Variants in TULP4 observed in about 807,000 individuals in gnomAD.
TULP4 encodes tubby-related protein 4.
In TULP4, 16 loss-of-function variants were observed where a neutral mutation model predicts 129.0. The observed-to-expected ratio is 0.12, with a 90% CI of 0.08 to 0.19. TULP4 has a LOEUF of 0.19. Ranked by LOEUF, TULP4 falls within the 10% of genes least tolerant of loss-of-function variation. The pLI, the probability that TULP4 is intolerant of heterozygous loss-of-function variation, is 1.00. For missense variants in TULP4, 1,842 were observed against 2,059.1 expected (o/e 0.89, Z 2.04); for synonymous variants, 998 against 854.0 (o/e 1.17, Z -2.94).
chr6:158,307,677 T>G (rs1309469052), upstream of TULP4, among the ~76,000 whole-genome samples: 1 of 152,150 alleles, frequency 6.6e-6, no homozygotes, highest in Non-Finnish European at 1.5e-5. Context: ...GAGATGGGGT[T>G]TCACCATGTT....
chr6:158,456,083 G>A (rs992676264), intron 5 of TULP4, among the ~76,000 whole-genome samples: 1 of 152,166 alleles, frequency 6.6e-6, no homozygotes, highest in Non-Finnish European at 1.5e-5. Context: ...GATTTCTAGG[G>A]GAAATGAATG....
chr6:158,412,532 ACAACTTAGATTT>A (rs11269091), intron 1 of TULP4, among the ~76,000 whole-genome samples: 66,425 of 151,490 alleles, frequency 0.44, 15,263 homozygotes, highest in African/African-American at 0.58. Context: ...TAAATCGTAA[ACAACTTAGATTT>A]TTCAAGTATG....
intron 1 of TULP4, among the ~76,000 whole-genome samples, chr6:158,395,143 A>T (rs945476121): frequency 6.6e-6 from 1 of 152,190 alleles, no homozygotes; most frequent in South Asian, 2.1e-4. Context: ...AATCCAAATC[A>T]TATCAGGGGA....
rs750009011 is a variant in TULP4, at chr6:158,314,292, T to A, written c.252+24T>A. On this transcript the variant is annotated intron_variant, in intron 1 of 13. Transcript: ENST00000367097. Reference sequence around the variant, plus strand: ...AGGTGAGCTGTGGTTTTGTTTCACTTTTTGGTCACTTCCAGTGGTGTTTTT... The same window carrying A: ...AGGTGAGCTGTGGTTTTGTTTCACTATTTGGTCACTTCCAGTGGTGTTTTT... 2.5e-6 allele frequency: 4 copies of A among 1,606,012 alleles called. No individual in the cohort carries two copies. In the African/African-American group the frequency reaches 5.4e-5, roughly 22 times the overall value.
At chr6:158,462,942 C>T (rs1055710402) in intron 6 of TULP4, among the ~76,000 whole-genome samples, 2 of 151,580 alleles carry the variant, frequency 1.3e-5, no homozygotes, top group Admixed American at 1.3e-4. Context: ...TTAGTAGAGA[C>T]GGGTTTTTGC....
At chr6:158,248,331 G>A (rs541719128) in intron 1 of TULP4, among the ~76,000 whole-genome samples, 12 of 151,902 alleles carry the variant, frequency 7.9e-5, no homozygotes, top group African/African-American at 2.7e-4. Flanking sequence ...GTGCAGTGGC[G>A]CAATCTTGGC....
At chr6:158,256,324 T>C (rs554705263) in intron 1 of TULP4, among the ~76,000 whole-genome samples, 10 of 152,320 alleles carry the variant, frequency 6.6e-5, no homozygotes, top group African/African-American at 2.4e-4. Context: ...TATATATAAC[T>C]TCTGTGTGTG....
At chr6:158,250,699 A>G (rs1166830825) in intron 1 of TULP4, among the ~76,000 whole-genome samples, 2 of 152,178 alleles carry the variant, frequency 1.3e-5, no homozygotes, top group East Asian at 3.8e-4. Flanking sequence ...ACTGATGGTC[A>G]TATAAATGGA....
At chr6:158,350,051 A>C (rs1780468043) in intron 1 of TULP4, among the ~76,000 whole-genome samples, 1 of 141,536 alleles carries the variant, frequency 7.1e-6, no homozygotes, top group African/African-American at 2.7e-5. Flanking sequence ...ACTTCCTCCC[A>C]GACGGGGCAG....
At chr6:158,342,461 G>A (rs534474244) in intron 1 of TULP4, among the ~76,000 whole-genome samples, 6 of 152,164 alleles carry the variant, frequency 3.9e-5, no homozygotes, top group Admixed American at 2.0e-4. Context: ...ATATAGCCTC[G>A]GTTGTCTCTG....
At chr6:158,241,087 G>A (rs987485663) in intron 1 of TULP4, among the ~76,000 whole-genome samples, 2 of 139,888 alleles carry the variant, frequency 1.4e-5, no homozygotes, top group Non-Finnish European at 3.2e-5. Context: ...GCCGGGCAGA[G>A]GCGCTCCTCA....
intron 1 of TULP4, among the ~76,000 whole-genome samples, chr6:158,240,951 A>G (rs28572401): frequency 0.28 from 36,104 of 128,566 alleles, 5,784 homozygotes; most frequent in Admixed American, 0.39. Context: ...CTTCTCAGTC[A>G]GGGCAGCTGC....
intron 3 of TULP4, among the ~76,000 whole-genome samples, chr6:158,431,221 G>T (rs189906112): frequency 6.6e-6 from 1 of 151,978 alleles, no homozygotes; most frequent in East Asian, 1.9e-4. Flanking sequence ...GACCTTGCCC[G>T]AGGCACCTGA....
In TULP4 at chr6:158,313,916, C is replaced by G; in HGVS notation, c.-101C>G. On this transcript the variant is annotated 5_prime_UTR_variant, in exon 1 of 14. Coordinates refer to ENST00000367097, the MANE Select transcript of TULP4 (RefSeq NM_020245.5). ...CTTAATTAAAGGGGGAAAAAAGCAA[C>G]GCAAGCCAACCACAAAAACACATAT... The G allele has an allele frequency of 7.1e-7, 1 of 1,413,238 alleles. No individual in the cohort carries two copies. The highest frequency in any genetic ancestry group is 9.5e-7 in the Non-Finnish European group (1 of 1,055,942). The allele number at this position is 1,413,238 out of a possible 1,614,324, so 87.5% of individuals were successfully genotyped here.
intron 1 of TULP4, among the ~76,000 whole-genome samples, chr6:158,265,438 T>C (rs1243801452): frequency 6.6e-6 from 1 of 152,008 alleles, no homozygotes; most frequent in Admixed American, 6.6e-5. Context: ...TCCCAGCACG[T>C]TGGGAGGCCG....
intron 1 of TULP4, among the ~76,000 whole-genome samples, chr6:158,362,064 A>T (rs897793877): frequency 6.6e-6 from 1 of 152,232 alleles, no homozygotes. Flanking sequence ...GATTCTACAC[A>T]GAAGTACCCA....
At chr6:158,399,978 T>C (rs1014290140) in intron 1 of TULP4, among the ~76,000 whole-genome samples, 2 of 152,238 alleles carry the variant, frequency 1.3e-5, no homozygotes, top group Non-Finnish European at 2.9e-5. Flanking sequence ...GAGATCCCAG[T>C]GTTCAGGCAA....
intron 1 of TULP4, among the ~76,000 whole-genome samples, chr6:158,257,421 A>G (rs1197242478): frequency 1.3e-5 from 2 of 152,214 alleles, no homozygotes; most frequent in Admixed American, 6.5e-5. Flanking sequence ...GGTAAAATAT[A>G]CATAACAAAA....
intron 6 of TULP4, among the ~76,000 whole-genome samples, chr6:158,466,230 G>T (rs1583908513): frequency 6.6e-6 from 1 of 152,208 alleles, no homozygotes; most frequent in Non-Finnish European, 1.5e-5. Context: ...GTTTTTCTGG[G>T]GTTTCCTTGG....
Sources: allele counts gnomAD v4.1 joint callset (sites outside exome capture counted in the v4.1 genomes callset), GRCh38; gene constraint gnomAD v4.1.1; transcripts MANE v1.5; gene names NCBI Gene and HGNC (gene_info 2026-07-23, HGNC 2026-07-21).